The following ERC2 variants were observed in gnomAD, a reference collection of about 807,000 sequenced individuals.
The protein encoded by ERC2 is ELKS/RAB6-interacting/CAST family member 2.
ERC2 carries 42 observed loss-of-function variants against 114.8 expected under a neutral mutation model. That is an observed-to-expected ratio of 0.37 (90% CI 0.29 to 0.47). ERC2 has a LOEUF of 0.47. Among genes scored for constraint, ERC2 ranks in the 20% least tolerant of loss-of-function variants. ERC2 has a pLI of 0.99. For missense variants in ERC2, 939 were observed against 1,150.7 expected (o/e 0.82, Z 2.66); for synonymous variants, 454 against 425.5 (o/e 1.07, Z -0.82).
intron 17 of ERC2, among the ~76,000 whole-genome samples, chr3:55,569,251 C>T (rs1258542184): frequency 6.6e-6 from 1 of 152,164 alleles, no homozygotes; most frequent in Non-Finnish European, 1.5e-5. Context: ...AACAAATACA[C>T]ATGAAGACCG....
intron 10 of ERC2, among the ~76,000 whole-genome samples, chr3:56,001,891 A>C (rs2072097104): frequency 6.6e-6 from 1 of 151,646 alleles, no homozygotes. Context: ...TTAAACACTC[A>C]TTTTTTCCCA....
intron 14 of ERC2, among the ~76,000 whole-genome samples, chr3:55,880,956 C>T (rs190876182): frequency 6.6e-6 from 1 of 152,222 alleles, no homozygotes; most frequent in East Asian, 1.9e-4. Flanking sequence ...TAATCTCAGT[C>T]AATCCCCATA....
intron 17 of ERC2, among the ~76,000 whole-genome samples, chr3:55,514,253 C>G (rs1478353709): frequency 6.6e-6 from 1 of 151,988 alleles, no homozygotes; most frequent in African/African-American, 2.4e-5. Flanking sequence ...TAAAAATTAG[C>G]TGGGTGTGGT....
At chr3:55,624,793 T>C (rs758849159) in intron 17 of ERC2, among the ~76,000 whole-genome samples, 4 of 152,084 alleles carry the variant, frequency 2.6e-5, no homozygotes, top group Non-Finnish European at 2.9e-5. Context: ...GGTGTCGGTA[T>C]GATAAAGAAA....
intron 10 of ERC2, among the ~76,000 whole-genome samples, chr3:56,000,378 T>C (rs952177564): frequency 6.6e-6 from 1 of 151,958 alleles, no homozygotes; most frequent in Non-Finnish European, 1.5e-5. Flanking sequence ...CATAAAAAAA[T>C]TTAGGCTAAA....
chr3:55,551,195 C>T (rs2055180935), intron 17 of ERC2, among the ~76,000 whole-genome samples: 1 of 151,748 alleles, frequency 6.6e-6, no homozygotes, highest in East Asian at 1.9e-4. Context: ...CATACACACA[C>T]ATATATATAT....
chr3:56,258,974 TA>T (rs1367458687), intron 3 of ERC2, among the ~76,000 whole-genome samples: 1 of 90,682 alleles, frequency 1.1e-5, no homozygotes, highest in African/African-American at 3.5e-5. Flanking sequence ...ATTAATTAAT[TA>T]ATTTTTTTTT....
At chr3:55,684,020 T>C (rs2062195021) in intron 16 of ERC2, among the ~76,000 whole-genome samples, 161 bp from the exon 17 acceptor site, 1 of 152,076 alleles carries the variant, frequency 6.6e-6, no homozygotes, top group South Asian at 2.1e-4. Flanking sequence ...GTAACTTAAA[T>C]TCCACATCAC....
At chr3:56,197,884 T>C (rs930689776) in intron 3 of ERC2, among the ~76,000 whole-genome samples, 2 of 152,260 alleles carry the variant, frequency 1.3e-5, no homozygotes, top group African/African-American at 4.8e-5. Context: ...TTTACAGTGA[T>C]GACATACTCT....
chr3:55,683,441 A>G (rs2148776612), intron 17 of ERC2, among the ~76,000 whole-genome samples: 1 of 152,338 alleles, frequency 6.6e-6, no homozygotes, highest in African/African-American at 2.4e-5. Context: ...TCGGCTGAAA[A>G]CCACGACTGG....
In ERC2 at chr3:56,359,747, G is replaced by T. The variant is rs2058878134; in HGVS notation, c.658-63312C>A. ...AGAGCCTCTAGAAGATTCCACCCAT[G>T]GGGGAAGGCAACGGGGAGCTGCATA... On this transcript the variant is annotated intron_variant, in intron 2 of 17. Transcript: ENST00000288221. 2.0e-5 allele frequency among the ~76,000 whole-genome samples: 3 copies of T among 152,214 alleles called. No homozygotes were observed. In the South Asian group the frequency reaches 6.2e-4, roughly 31 times the overall value.
intron 16 of ERC2, among the ~76,000 whole-genome samples, chr3:55,686,623 G>T (rs943959758): frequency 6.6e-6 from 1 of 152,072 alleles, no homozygotes; most frequent in African/African-American, 2.4e-5. Flanking sequence ...GTAAATTTGG[G>T]GACCCAAAAA....
At chr3:56,168,306 G>A (rs925844865) in intron 4 of ERC2, among the ~76,000 whole-genome samples, 1 of 152,134 alleles carries the variant, frequency 6.6e-6, no homozygotes, top group Non-Finnish European at 1.5e-5. Context: ...GGGGGTGCAG[G>A]TGACATCGTT....
chr3:55,920,504 G>A (rs2065362492), intron 13 of ERC2, among the ~76,000 whole-genome samples: 1 of 151,538 alleles, frequency 6.6e-6, no homozygotes, highest in Non-Finnish European at 1.5e-5. Flanking sequence ...TCTGGGTGAT[G>A]GGCTTCACTG....
chr3:55,801,726 A>G (rs564389198), intron 14 of ERC2, among the ~76,000 whole-genome samples: 1 of 152,352 alleles, frequency 6.6e-6, no homozygotes, highest in South Asian at 2.1e-4. Context: ...GCCCAGGGCA[A>G]AATGAAAATG....
intron 3 of ERC2, among the ~76,000 whole-genome samples, chr3:56,261,541 GAC>G (rs2052930235): frequency 6.6e-6 from 1 of 152,028 alleles, no homozygotes; most frequent in South Asian, 2.1e-4. Context: ...CTCTCCTCTG[GAC>G]TCATCCTGTG....
At chr3:55,556,680 C>T (rs2055633369) in intron 17 of ERC2, among the ~76,000 whole-genome samples, 1 of 152,174 alleles carries the variant, frequency 6.6e-6, no homozygotes, top group African/African-American at 2.4e-5. Context: ...AGGAGGTAAC[C>T]AACACACGCA....
At chr3:56,100,982 A>G (rs1231298197) in intron 6 of ERC2, among the ~76,000 whole-genome samples, 1 of 152,138 alleles carries the variant, frequency 6.6e-6, no homozygotes, top group Non-Finnish European at 1.5e-5. Flanking sequence ...CAAATTAAGG[A>G]GGAAAAAAAA....
chr3:55,875,166 G>A (rs1020209831), intron 14 of ERC2, among the ~76,000 whole-genome samples: 18 of 152,176 alleles, frequency 1.2e-4, no homozygotes, highest in African/African-American at 4.1e-4. Flanking sequence ...TTAGTTGACA[G>A]GAGCCTTGAA....
Sources: gnomAD v4.1 joint callset for allele counts (sites outside exome capture counted in the v4.1 genomes callset) on GRCh38, gnomAD v4.1.1 for gene constraint, MANE v1.5 for transcripts, NCBI Gene and HGNC (gene_info 2026-07-23, HGNC 2026-07-21) for gene names.